The following ENTREP2 variants were observed in gnomAD, a reference collection of about 807,000 sequenced individuals.
The protein encoded by ENTREP2 is protein ENTREP2.
chr15:29,393,227 GCTGTTCATCAGTGAACTT>G, the ENTREP2 span, among the ~76,000 whole-genome samples: 1 of 152,186 alleles, frequency 6.6e-6, no homozygotes, highest in African/African-American at 2.4e-5. Context: ...TGCATTGCTT[GCTGTTCATCAGTGAACTT>G]CTGTGGAGCC....
At chr15:29,490,313 T>C in the ENTREP2 span, among the ~76,000 whole-genome samples, 3 of 152,170 alleles carry the variant, frequency 2.0e-5, no homozygotes, top group African/African-American at 7.2e-5. Context: ...TTACAGCTCT[T>C]GAAGGTAATA....
At chr15:29,347,817 C>T in the ENTREP2 span, among the ~76,000 whole-genome samples, 1 of 152,194 alleles carries the variant, frequency 6.6e-6, no homozygotes, top group African/African-American at 2.4e-5. Flanking sequence ...ACACTCACTG[C>T]TCTTTTACTG....
the ENTREP2 span, among the ~76,000 whole-genome samples, chr15:29,310,977 A>T: frequency 1.3e-5 from 2 of 152,112 alleles, no homozygotes; most frequent in Non-Finnish European, 2.9e-5. Flanking sequence ...GTGAAAATTC[A>T]AGATAATGGC....
chr15:29,213,276 T>C, the ENTREP2 span, among the ~76,000 whole-genome samples: 1 of 152,160 alleles, frequency 6.6e-6, no homozygotes, highest in Non-Finnish European at 1.5e-5. Flanking sequence ...CAATGCGGGC[T>C]CTTTTTTGGT....
chr15:29,493,219 C>T, the ENTREP2 span, among the ~76,000 whole-genome samples: 140 of 135,970 alleles, frequency 1.0e-3, no homozygotes, highest in African/African-American at 3.4e-3. Context: ...CTGCAAGCTC[C>T]GCCTCCCGGG....
chr15:29,403,951 G>A, the ENTREP2 span, among the ~76,000 whole-genome samples: 10 of 152,160 alleles, frequency 6.6e-5, no homozygotes, highest in African/African-American at 1.7e-4. Context: ...TGCAGGGCCC[G>A]CAGGCTGCTC....
chr15:29,649,516 T>C, the ENTREP2 span, among the ~76,000 whole-genome samples: 3 of 150,824 alleles, frequency 2.0e-5, no homozygotes, highest in Non-Finnish European at 4.4e-5. Context: ...AGGTCAGGAG[T>C]TTGAGACCAG....
the ENTREP2 span, among the ~76,000 whole-genome samples, chr15:29,396,583 G>T: frequency 1.3e-5 from 2 of 152,126 alleles, no homozygotes; most frequent in African/African-American, 4.8e-5. Flanking sequence ...TCTCTTAATA[G>T]TGTCCTTTGA....
chr15:29,266,539 C>T, the ENTREP2 span: 2 of 152,128 alleles, frequency 1.3e-5, no homozygotes, highest in Non-Finnish European at 2.9e-5. Flanking sequence ...AGTTATTTTT[C>T]CCCCATAAAA....
At chr15:29,323,359 G>A in the ENTREP2 span, among the ~76,000 whole-genome samples, 17 of 152,248 alleles carry the variant, frequency 1.1e-4, no homozygotes, top group African/African-American at 2.9e-4. Context: ...CAAGAGGACC[G>A]GGTTCAGAGA....
chr15:29,363,196 G>C, the ENTREP2 span, among the ~76,000 whole-genome samples: 4 of 152,024 alleles, frequency 2.6e-5, no homozygotes, highest in African/African-American at 9.7e-5. Context: ...TTGACTGTAA[G>C]AAATCCCCAA....
the ENTREP2 span, chr15:29,269,342 T>C: frequency 1.2e-6 from 2 of 1,614,182 alleles, no homozygotes; most frequent in East Asian, 2.2e-5. Flanking sequence ...TCGGGGAAGA[T>C]GTCCTTGTAG....
At chr15:29,131,788 C>T in the ENTREP2 span, among the ~76,000 whole-genome samples, 73,347 of 145,430 alleles carry the variant, frequency 0.5, 20,210 homozygotes, top group South Asian at 0.73. Context: ...GGAGGGCCAC[C>T]GTCGTCAGTG....
the ENTREP2 span, among the ~76,000 whole-genome samples, chr15:29,237,527 C>T: frequency 6.6e-6 from 1 of 152,280 alleles, no homozygotes; most frequent in South Asian, 2.1e-4. Flanking sequence ...TTGAGGTTCA[C>T]TGTTTTGCCT....
the ENTREP2 span, among the ~76,000 whole-genome samples, chr15:29,538,516 C>A: frequency 6.6e-6 from 1 of 151,662 alleles, no homozygotes; most frequent in Non-Finnish European, 1.5e-5. Flanking sequence ...TCTTTTGGGC[C>A]GGGCGCAGTG....
chr15:29,427,988 A>G, the ENTREP2 span, among the ~76,000 whole-genome samples: 97 of 152,346 alleles, frequency 6.4e-4, 1 homozygote, highest in Admixed American at 8.5e-4. Flanking sequence ...GATAAATATC[A>G]TAATATAAAC....
chr15:29,125,580 T>G, the ENTREP2 span, among the ~76,000 whole-genome samples: 3 of 152,134 alleles, frequency 2.0e-5, no homozygotes, highest in Non-Finnish European at 4.4e-5. Flanking sequence ...TTCCACTTCA[T>G]GAAAAGTCCC....
the ENTREP2 span, among the ~76,000 whole-genome samples, chr15:29,131,738 C>T: frequency 1.5e-5 from 2 of 133,982 alleles, no homozygotes; most frequent in African/African-American, 2.9e-5. Flanking sequence ...TGTGAGAGTG[C>T]GAGAGTGCCA....
chr15:29,469,572 G>C, the ENTREP2 span, among the ~76,000 whole-genome samples: 15 of 152,178 alleles, frequency 9.9e-5, no homozygotes, highest in Admixed American at 9.2e-4. Flanking sequence ...TTGCCATGGC[G>C]GGGGAGGGGA....
Sources: allele counts gnomAD v4.1 joint callset (sites outside exome capture counted in the v4.1 genomes callset), GRCh38; gene constraint gnomAD v4.1.1; transcripts MANE v1.5; gene names NCBI Gene and HGNC (gene_info 2026-07-23, HGNC 2026-07-21).